The following VTI1A variants were observed in gnomAD, a reference collection of about 807,000 sequenced individuals.
The protein encoded by VTI1A is vesicle transport through interaction with t-SNAREs 1A.
A neutral mutation model predicts 34.9 loss-of-function variants in VTI1A; 22 were observed. The observed-to-expected ratio is 0.63, with a 90% confidence interval of 0.45 to 0.90. The LOEUF is 0.90. Among genes scored for constraint, VTI1A ranks in the 40% least tolerant of loss-of-function variants. The pLI, the probability that VTI1A is intolerant of heterozygous loss-of-function variation, is 0.00. For synonymous variants in VTI1A, 87 were observed against 97.3 expected (o/e 0.89, Z 0.62); for missense variants, 268 against 275.6 (o/e 0.97, Z 0.20).
At chr10:112,581,037 C>T (rs969093097) in intron 5 of VTI1A, among the ~76,000 whole-genome samples, 1 of 152,158 alleles carries the variant, frequency 6.6e-6, no homozygotes, top group Non-Finnish European at 1.5e-5. Context: ...TTCCCACATG[C>T]ACCCTGCATA....
intron 5 of VTI1A, among the ~76,000 whole-genome samples, chr10:112,576,157 A>G (rs970896326): frequency 1.3e-5 from 2 of 151,476 alleles, no homozygotes; most frequent in African/African-American, 4.9e-5. Context: ...AGTAGCTGGG[A>G]CTACGGGCAA....
chr10:112,849,850 G>T, the VTI1A span, among the ~76,000 whole-genome samples: 1 of 152,146 alleles, frequency 6.6e-6, no homozygotes, highest in African/African-American at 2.4e-5. Flanking sequence ...AATGTGAAAT[G>T]TGCCCACAGA....
intron 3 of VTI1A, among the ~76,000 whole-genome samples, chr10:112,481,778 G>A (rs1848465427): frequency 6.6e-6 from 1 of 152,208 alleles, no homozygotes; most frequent in African/African-American, 2.4e-5. Flanking sequence ...TGCCTCCCCA[G>A]TGTCTGTATT....
intron 7 of VTI1A, among the ~76,000 whole-genome samples, chr10:112,715,850 CTGG>C (rs1849590832): frequency 6.6e-6 from 1 of 152,220 alleles, no homozygotes; most frequent in South Asian, 2.1e-4. Flanking sequence ...ATATCTAAGA[CTGG>C]TGTATTCGCA....
intron 3 of VTI1A, among the ~76,000 whole-genome samples, chr10:112,467,742 T>C (rs531078589): frequency 6.6e-6 from 1 of 152,358 alleles, no homozygotes; most frequent in East Asian, 1.9e-4. Context: ...CATTTCATTG[T>C]GTGAAGAATA....
At chr10:112,507,689 G>A (rs1441806857) in intron 3 of VTI1A, among the ~76,000 whole-genome samples, 1 of 152,120 alleles carries the variant, frequency 6.6e-6, no homozygotes, top group Non-Finnish European at 1.5e-5. Context: ...GACCCAGGGG[G>A]CATCTCTCTT....
At chr10:112,727,435 AAT>A (rs751064249) in intron 7 of VTI1A, among the ~76,000 whole-genome samples, 1 of 152,120 alleles carries the variant, frequency 6.6e-6, no homozygotes, top group African/African-American at 2.4e-5. Context: ...GGAAAAAAAA[AAT>A]TTTTTTTATA....
At chr10:112,523,858 T>C (rs1850119187) in intron 3 of VTI1A, among the ~76,000 whole-genome samples, 1 of 152,138 alleles carries the variant, frequency 6.6e-6, no homozygotes, top group Non-Finnish European at 1.5e-5. Flanking sequence ...TGTGTGACAT[T>C]TCCAGCTCAA....
rs74340170 is a variant in VTI1A at position 112,767,487 on chromosome 10, C to T, written c.561-47803C>T. ...ATGCCGAATATGAAGTAAAATCTGT[C>T]AGATTAAAAGCACAAGGAGAGAAAC... On this transcript the variant is annotated intron_variant, in intron 7 of 7. Coordinates refer to ENST00000393077, the MANE Select transcript of VTI1A (RefSeq NM_145206.4). The surrounding 1 kb of genome is among the most constrained non-coding windows in gnomAD (Gnocchi z 4.0). 0.035 allele frequency among the ~76,000 whole-genome samples: 5,353 copies of T among 152,238 alleles called. 283 individuals carry two copies. The highest frequency in any genetic ancestry group is 0.11 in the African/African-American group (4,536 of 41,506).
At chr10:112,684,952 C>T (rs756214046) in intron 7 of VTI1A, among the ~76,000 whole-genome samples, 1 of 152,048 alleles carries the variant, frequency 6.6e-6, no homozygotes. Flanking sequence ...TAGATCCTAC[C>T]CTTCTTAGGA....
rs377740307 is a variant in VTI1A at position 112,605,205 on chromosome 10, G to A, written c.428-63013G>A. On this transcript the variant is annotated intron_variant, in intron 5 of 7. Transcript: ENST00000393077. Reference sequence around the variant, plus strand: ...CTTGTCCAGGAGTGTGACAAACCCAGGCCTGGCTCCTGGGGCAGAAAGAGG... The same window carrying A: ...CTTGTCCAGGAGTGTGACAAACCCAAGCCTGGCTCCTGGGGCAGAAAGAGG... 2.3e-4 allele frequency among the ~76,000 whole-genome samples: 35 copies of A among 152,180 alleles called. 1 individual carries two copies. The South Asian group carries it at 7.1e-3, about 31-fold the overall frequency.
Position 112,719,406 on chromosome 10 carries a change from T to C in VTI1A, c.560+50408T>C, listed in dbSNP as rs186940451. ...GGAACTGATTCTTGATCCTTATCGA[T>C]TATGTGCTTCTATTGTTTTTTTAAC... On this transcript the variant is annotated intron_variant, in intron 7 of 7. Transcript: ENST00000393077. 5.9e-5 allele frequency among the ~76,000 whole-genome samples: 9 copies of C among 152,350 alleles called. 1 individual carries two copies. Among genetic ancestry groups the C allele is most frequent in the African/African-American group, 1.9e-4 (8 of 41,582 alleles).
At chr10:112,459,893 G>A (rs1188570773) in intron 1 of VTI1A, among the ~76,000 whole-genome samples, 1 of 152,110 alleles carries the variant, frequency 6.6e-6, no homozygotes, top group Admixed American at 6.5e-5. Context: ...GCTTATTGGA[G>A]CTAAAAGTAA....
intron 5 of VTI1A, among the ~76,000 whole-genome samples, chr10:112,653,474 A>G (rs1158388854): frequency 6.6e-6 from 1 of 152,188 alleles, no homozygotes; most frequent in Non-Finnish European, 1.5e-5. Context: ...AGTGCACAAC[A>G]GTGGCCATGT....
intron 1 of VTI1A, among the ~76,000 whole-genome samples, chr10:112,458,729 C>T (rs1847630855): frequency 6.6e-6 from 1 of 151,630 alleles, no homozygotes; most frequent in African/African-American, 2.4e-5. Context: ...CGCAATGGTG[C>T]GATCTCGGCT....
At chr10:112,647,360 C>T (rs1413264970) in intron 5 of VTI1A, among the ~76,000 whole-genome samples, 1 of 152,142 alleles carries the variant, frequency 6.6e-6, no homozygotes, top group Non-Finnish European at 1.5e-5. Flanking sequence ...CTTCTGAATC[C>T]ATAGATATAA....
At chr10:112,765,333 C>A (rs1212268911) in intron 7 of VTI1A, among the ~76,000 whole-genome samples, 1 of 152,144 alleles carries the variant, frequency 6.6e-6, no homozygotes, top group Non-Finnish European at 1.5e-5. Context: ...CCTCAGCTTC[C>A]CACGTAGCTG....
At chr10:112,581,334 G>A (rs912270949) in intron 5 of VTI1A, among the ~76,000 whole-genome samples, 1 of 152,210 alleles carries the variant, frequency 6.6e-6, no homozygotes, top group Non-Finnish European at 1.5e-5. Flanking sequence ...CCAGGTTAGT[G>A]TGCCAGGCCT....
chr10:112,743,743 T>C (rs537647044), intron 7 of VTI1A, among the ~76,000 whole-genome samples: 1 of 152,304 alleles, frequency 6.6e-6, no homozygotes, highest in African/African-American at 2.4e-5. Context: ...CTGTGTCTCC[T>C]TTTTGCCTCT....
Sources: gnomAD v4.1 joint callset for allele counts (sites outside exome capture counted in the v4.1 genomes callset) on GRCh38, gnomAD v4.1.1 for gene constraint, Gnocchi (gnomAD v3.1) non-coding constraint, MANE v1.5 for transcripts, NCBI Gene and HGNC (gene_info 2026-07-23, HGNC 2026-07-21) for gene names.